Variants in TLK1 observed in about 807,000 individuals in gnomAD.
TLK1 encodes tousled like kinase 1, also known as serine/threonine-protein kinase tousled-like 1.
In TLK1, 24 loss-of-function variants were observed where a neutral mutation model predicts 105.3. The ratio of observed to expected loss-of-function variants is 0.23; its 90% CI spans 0.17 to 0.32. The LOEUF (loss-of-function observed/expected upper bound fraction) is 0.32, where lower values mean the gene tolerates loss of function less well. Among genes scored for constraint, TLK1 ranks in the 10% least tolerant of loss-of-function variants. The pLI is 1.00. For missense variants in TLK1, 558 were observed against 910.5 expected, an observed-to-expected ratio of 0.61 and a Z score of 4.98; for synonymous variants, 321 against 310.4, an observed-to-expected ratio of 1.03 and a Z score of -0.36.
chr2:171,050,194 T>C lies in TLK1; in HGVS notation c.733-20A>G. 2.3e-5 allele frequency: 36 copies of C among 1,557,480 alleles called. No individual in the cohort carries two copies. The highest frequency in any genetic ancestry group is 3.2e-5 in the Non-Finnish European group (36 of 1,140,928). On this transcript the variant is annotated intron_variant, in intron 8 of 20. Transcript: ENST00000431350. ...GTTAGCCTATGACATAAGTAGAAAA[T>C]GCAAGAGGTCTAGACTGGGGAATAT...
chr2:171,184,583 G>A (rs1319123703), intron 1 of TLK1, among the ~76,000 whole-genome samples: 3 of 150,318 alleles, frequency 2.0e-5, no homozygotes, highest in South Asian at 2.1e-4. Flanking sequence ...TGGAGGTTGC[G>A]GTGAGCAGAG....
intron 2 of TLK1, among the ~76,000 whole-genome samples, chr2:171,087,361 T>C (rs1378592172): frequency 2.6e-5 from 4 of 151,936 alleles, no homozygotes; most frequent in South Asian, 2.1e-4. Context: ...CTCTCTAAAA[T>C]AGAAAACTTA....
chr2:171,049,903 T>C lies in TLK1; in HGVS notation c.891A>G (p.Arg297=). ...CTGTTGTAAAGTGCCCGAGGCGTAATCGATCTTGCATACTCTTCTCTCTGC... is the reference window on the plus strand; with the variant it reads ...CTGTTGTAAAGTGCCCGAGGCGTAACCGATCTTGCATACTCTTCTCTCTGC... The part of the protein sequence containing the change: ...LSSREKSMQD[R]LRLGHFTTVR... Residue 297 remains arginine (R), a synonymous_variant, in exon 10 of 21, where the codon CGA becomes CGG. Coordinates refer to ENST00000431350, the MANE Select transcript of TLK1 (RefSeq NM_012290.5). 9.3e-6 allele frequency: 15 copies of C among 1,613,882 alleles called. No individual in the cohort carries two copies. Among genetic ancestry groups the C allele is most frequent in the Non-Finnish European group, 1.1e-5 (13 of 1,179,948 alleles).
intron 1 of TLK1, among the ~76,000 whole-genome samples, chr2:171,130,550 T>A (rs1409091314): frequency 6.6e-6 from 1 of 152,202 alleles, no homozygotes; most frequent in East Asian, 1.9e-4. Context: ...TGATGTTTAC[T>A]TACTAAGTCC....
chr2:171,018,034 T>C (rs1685291660), intron 12 of TLK1, among the ~76,000 whole-genome samples: 1 of 152,216 alleles, frequency 6.6e-6, no homozygotes, highest in Non-Finnish European at 1.5e-5. Context: ...TGAATGTCTG[T>C]GTTCCCTCAA....
intron 3 of TLK1, among the ~76,000 whole-genome samples, chr2:171,074,495 G>A (rs1176559908): frequency 6.6e-6 from 1 of 152,076 alleles, no homozygotes; most frequent in African/African-American, 2.4e-5. Flanking sequence ...AGGCAAGCTG[G>A]TGGGTGCCTA....
At position 171,046,255 on chromosome 2, in the gene TLK1, T is replaced by A; in HGVS notation, c.1088A>T (p.Asn363Ile). 6.2e-7 allele frequency: 1 copy of A among 1,613,614 alleles called. No individual in the cohort carries two copies. Among genetic ancestry groups the A allele is most frequent in the Non-Finnish European group, 8.5e-7 (1 of 1,179,702 alleles). Residue 363 changes from asparagine (N) to isoleucine (I), a missense_variant, in exon 11 of 21, where the codon AAT becomes ATT. Asn to Ile is a moderately radical substitution (Grantham distance 149). Coordinates refer to ENST00000431350, the MANE Select transcript of TLK1 (RefSeq NM_012290.5). The part of the protein sequence containing the change: ...TANNSQAPST[N>I]SEPKQRKNKA... The stretch of plus-strand genomic sequence containing the variant: ...GTTTTTCCTTTGTTTTGGTTCAGAA[T>A]TGGTAGAGGGTGCCTGAGAATTATT...
intron 1 of TLK1, among the ~76,000 whole-genome samples, chr2:171,188,443 C>T (rs879357748): frequency 1.1e-4 from 17 of 151,602 alleles, no homozygotes; most frequent in Non-Finnish European, 2.2e-4. Flanking sequence ...CGGTGGTTCA[C>T]GCCTGTAATC....
intron 4 of TLK1, chr2:171,059,871 G>T: frequency 1.1e-6 from 1 of 906,706 alleles, no homozygotes; most frequent in Non-Finnish European, 1.9e-6. Flanking sequence ...CGCTGCCGCT[G>T]ATCTGACAGG....
At position 171,117,733 on chromosome 2, in the gene TLK1, G is replaced by A; in HGVS notation, c.258+6C>T. ...ACTGTCAAATAAAGATGAGAATTTT[G>A]CTCACTTTAGCTCCAACACTGCAAC... On this transcript the variant is annotated splice_donor_region_variant and intron_variant, in intron 2 of 20. Coordinates refer to ENST00000431350, the MANE Select transcript of TLK1 (RefSeq NM_012290.5). 1 of 1,598,524 alleles carries A rather than the reference G, an allele frequency of 6.3e-7. No individual in the cohort carries two copies. Among genetic ancestry groups the A allele is most frequent in the Non-Finnish European group, 8.5e-7 (1 of 1,170,676 alleles).
At chr2:171,159,027 G>A (rs1450458424) in intron 1 of TLK1, among the ~76,000 whole-genome samples, 2 of 152,202 alleles carry the variant, frequency 1.3e-5, no homozygotes, top group Middle Eastern at 3.2e-3. Flanking sequence ...GACAAAGAAT[G>A]CTATGCCTGA....
chr2:171,163,311 A>G (rs1264402288), upstream of TLK1, among the ~76,000 whole-genome samples: 5 of 152,232 alleles, frequency 3.3e-5, no homozygotes, highest in African/African-American at 9.6e-5. Flanking sequence ...TTCTGTGGAC[A>G]TAGGCTTTCC....
chr2:171,049,678 T>A (rs924148961), intron 10 of TLK1, 136 bp downstream of exon 10: 1 of 1,031,136 alleles, frequency 9.7e-7, no homozygotes. Context: ...TGGTTTCATA[T>A]CCCTTTCAAA....
At chr2:171,162,879 G>T (rs1477903185), upstream of TLK1, among the ~76,000 whole-genome samples, 4 of 152,034 alleles carry the variant, frequency 2.6e-5, no homozygotes, top group African/African-American at 9.7e-5. Flanking sequence ...TGCAGCCTCC[G>T]CCTCCCGGGT....
At chr2:171,139,952 C>T (rs1029837542) in intron 1 of TLK1, among the ~76,000 whole-genome samples, 1 of 152,184 alleles carries the variant, frequency 6.6e-6, no homozygotes, top group Non-Finnish European at 1.5e-5. Flanking sequence ...ACAGGGTCCA[C>T]GCTCCTCTGA....
chr2:171,174,550 G>A (rs1244061113), intron 1 of TLK1, among the ~76,000 whole-genome samples: 1 of 151,740 alleles, frequency 6.6e-6, no homozygotes, highest in East Asian at 1.9e-4. Flanking sequence ...TGCTCCCATG[G>A]CATACTAGTA....
intron 12 of TLK1, among the ~76,000 whole-genome samples, chr2:171,024,208 T>C (rs1055700184): frequency 6.6e-6 from 1 of 152,310 alleles, no homozygotes; most frequent in East Asian, 1.9e-4. Context: ...TTTTACTATA[T>C]AGTTCTATTC....
chr2:171,023,716 T>G (rs1173469706), intron 12 of TLK1, among the ~76,000 whole-genome samples: 1 of 152,206 alleles, frequency 6.6e-6, no homozygotes, highest in Non-Finnish European at 1.5e-5. Flanking sequence ...AACTTGTATC[T>G]TTTTAAAAAT....
intron 2 of TLK1, among the ~76,000 whole-genome samples, chr2:171,093,957 A>G (rs1299891305): frequency 6.6e-6 from 1 of 152,118 alleles, no homozygotes; most frequent in South Asian, 2.1e-4. Flanking sequence ...CAACCAATCT[A>G]TCACTACTCA....
Sources: gnomAD v4.1 joint callset for allele counts (sites outside exome capture counted in the v4.1 genomes callset) on GRCh38, gnomAD v4.1.1 for gene constraint, MANE v1.5 for transcripts, NCBI Gene and HGNC (gene_info 2026-07-23, HGNC 2026-07-21) for gene names.